Variants in PTPN3 observed in about 807,000 individuals in gnomAD.
PTPN3 encodes the protein protein tyrosine phosphatase non-receptor type 3.
Under a neutral mutation model 132.7 loss-of-function variants are expected in PTPN3, and 96 were observed. That is an observed-to-expected ratio of 0.72 (90% CI 0.61 to 0.86). PTPN3 has a LOEUF of 0.86. Ranked by LOEUF, PTPN3 falls within the 40% of genes least tolerant of loss-of-function variation. The pLI is 0.00. For synonymous variants in PTPN3, 398 were observed against 429.0 expected, an observed-to-expected ratio of 0.93 and a Z score of 0.89; for missense variants, 1,125 against 1,159.6, an observed-to-expected ratio of 0.97 and a Z score of 0.43.
chr9:109,426,232 G>A (rs1843271531), intron 12 of PTPN3, among the ~76,000 whole-genome samples: 1 of 148,662 alleles, frequency 6.7e-6, no homozygotes, highest in African/African-American at 2.5e-5. Flanking sequence ...TTCTTTTACT[G>A]TACATCATTT....
At chr9:109,495,749 T>A (rs1847640489) in intron 1 of PTPN3, among the ~76,000 whole-genome samples, 1 of 152,246 alleles carries the variant, frequency 6.6e-6, no homozygotes, top group African/African-American at 2.4e-5. Flanking sequence ...GAGACTTGAA[T>A]GAGAATGCTT....
intron 1 of PTPN3, among the ~76,000 whole-genome samples, chr9:109,481,283 G>A (rs914943390): frequency 2.0e-5 from 3 of 152,174 alleles, no homozygotes; most frequent in Non-Finnish European, 4.4e-5. Context: ...AGGTCTCAGT[G>A]ATGGCCAACT....
At chr9:109,424,166 T>C (rs932545481) in intron 12 of PTPN3, among the ~76,000 whole-genome samples, 1 of 152,214 alleles carries the variant, frequency 6.6e-6, no homozygotes, top group Non-Finnish European at 1.5e-5. Flanking sequence ...AAGTGTTCCA[T>C]TGTCCCATAA....
Position 109,391,869 on chromosome 9 carries a change from G to GT in PTPN3, c.1954-309dup, listed in dbSNP as rs796949722. Among the ~76,000 whole-genome samples, 390 of 58,240 alleles carry GT rather than the reference G, an allele frequency of 6.7e-3. 14 individuals carry two copies. The highest frequency in any genetic ancestry group is 0.023 in the African/African-American group (366 of 16,112). 38.2% of individuals were successfully genotyped at this position (58,240 alleles called of 152,430 possible). A position where few individuals can be genotyped will look rare whatever the true frequency, so the allele number is the denominator to read the frequency against. On this transcript the variant is annotated intron_variant, in intron 19 of 25. Transcript: ENST00000374541. ...TGACAAGAGCTAAAAGCAACTAGAT[G>GT]TGGGGGGGGGGGGGAAGAATTCTGG...
rs200310388 is a variant in PTPN3 at position 109,383,373 on chromosome 9, C to T, written c.2382+50G>A. The T allele has an allele frequency of 6.2e-5, 100 of 1,613,622 alleles. No homozygotes were observed. In the African/African-American group the frequency reaches 1.1e-3, roughly 18 times the overall value. On this transcript the variant is annotated intron_variant, in intron 23 of 25. Coordinates refer to ENST00000374541, the MANE Select transcript of PTPN3 (RefSeq NM_002829.4). Reference sequence around the variant, plus strand: ...CGTGACCACCTGGGATGACAGTGGCCGCTGATTCAGCACCTGCCCCTCCAC... The same window carrying T: ...CGTGACCACCTGGGATGACAGTGGCTGCTGATTCAGCACCTGCCCCTCCAC...
the PTPN3 span, among the ~76,000 whole-genome samples, chr9:109,517,425 A>C: frequency 3.1e-4 from 47 of 152,330 alleles, no homozygotes; most frequent in African/African-American, 1.1e-3. Flanking sequence ...GTTAAGAATT[A>C]TTGTAATTCT....
chr9:109,390,582 C>T (rs1839988888), intron 21 of PTPN3, among the ~76,000 whole-genome samples: 2 of 151,850 alleles, frequency 1.3e-5, no homozygotes, highest in Admixed American at 1.3e-4. Context: ...CACATGTACC[C>T]TAAAACTTAA....
At chr9:109,475,923 C>A (rs1846641462) in intron 1 of PTPN3, among the ~76,000 whole-genome samples, 1 of 152,146 alleles carries the variant, frequency 6.6e-6, no homozygotes, top group South Asian at 2.1e-4. Flanking sequence ...GTGTCCCTCG[C>A]CATAATTTTA....
the PTPN3 span, among the ~76,000 whole-genome samples, chr9:109,511,000 T>C: frequency 6.6e-6 from 1 of 152,136 alleles, no homozygotes; most frequent in Non-Finnish European, 1.5e-5. Context: ...AAAAAATCCA[T>C]GTAATCAATA....
chr9:109,435,751 G>A (rs576411601), intron 9 of PTPN3, among the ~76,000 whole-genome samples: 5 of 152,198 alleles, frequency 3.3e-5, no homozygotes, highest in East Asian at 3.9e-4. Context: ...CTACTTCACC[G>A]ACAATTAAAG....
the PTPN3 span, among the ~76,000 whole-genome samples, chr9:109,516,372 T>C: frequency 3.3e-5 from 5 of 152,216 alleles, no homozygotes; most frequent in Non-Finnish European, 5.9e-5. Context: ...AGACTAATCC[T>C]GTCTGGTGGG....
the PTPN3 span, among the ~76,000 whole-genome samples, chr9:109,508,751 G>T: frequency 1.3e-5 from 2 of 152,208 alleles, no homozygotes; most frequent in African/African-American, 4.8e-5. Flanking sequence ...GATGTAGAAA[G>T]ATGTGTCCAG....
intron 14 of PTPN3, among the ~76,000 whole-genome samples, chr9:109,418,338 T>C (rs117634605): frequency 0.031 from 4,758 of 152,320 alleles, 111 homozygotes; most frequent in Middle Eastern, 0.048. Context: ...AGTGCCTGCA[T>C]GTCATTGGAC....
intron 1 of PTPN3, 88 bp from the exon 2 acceptor site, chr9:109,463,539 C>T (rs760047784): frequency 2.3e-5 from 29 of 1,263,334 alleles, no homozygotes; most frequent in South Asian, 1.3e-4. Flanking sequence ...CCCATCCTCT[C>T]GATACTGTCT....
At chr9:109,494,614 G>C (rs975740477) in intron 1 of PTPN3, among the ~76,000 whole-genome samples, 5 of 152,148 alleles carry the variant, frequency 3.3e-5, no homozygotes, top group Admixed American at 6.5e-5. Flanking sequence ...CCCATGGTTA[G>C]AACTACGCTC....
chr9:109,382,451 T>C lies in PTPN3; in HGVS notation c.2383-4A>G, dbSNP rs1456416681. 1.2e-6 allele frequency: 2 copies of C among 1,613,906 alleles called. No individual in the cohort carries two copies. The highest frequency in any genetic ancestry group is 1.7e-6 in the Non-Finnish European group (2 of 1,180,016). On this transcript the variant is annotated splice_polypyrimidine_tract_variant and splice_region_variant and intron_variant, in intron 23 of 25. Coordinates refer to ENST00000374541, the MANE Select transcript of PTPN3 (RefSeq NM_002829.4). ...TCACTGTGTGTTCTTCCCCGGTCTG[T>C]GGGAGATGCAGTGGCCTTGGTGAGC...
At chr9:109,474,037 G>A (rs1846515002) in intron 1 of PTPN3, among the ~76,000 whole-genome samples, 1 of 151,996 alleles carries the variant, frequency 6.6e-6, no homozygotes, top group African/African-American at 2.4e-5. Flanking sequence ...GATGTCTTGG[G>A]TGGGTTGCAA....
chr9:109,448,267 C>T (rs1564451678), intron 6 of PTPN3, among the ~76,000 whole-genome samples: 1 of 152,142 alleles, frequency 6.6e-6, no homozygotes, highest in African/African-American at 2.4e-5. Flanking sequence ...ATAAGCTGTG[C>T]TCTTCCCACC....
intron 12 of PTPN3, among the ~76,000 whole-genome samples, chr9:109,425,276 A>C (rs186694586): frequency 2.6e-4 from 40 of 152,344 alleles, no homozygotes; most frequent in Non-Finnish European, 5.9e-5. Context: ...ATGATTATCA[A>C]TGTATTAGGA....
Sources: allele counts gnomAD v4.1 joint callset (sites outside exome capture counted in the v4.1 genomes callset), GRCh38; gene constraint gnomAD v4.1.1; transcripts MANE v1.5; gene names NCBI Gene and HGNC (gene_info 2026-07-23, HGNC 2026-07-21).